The following ACP3 variants were observed in gnomAD, a reference collection of about 807,000 sequenced individuals.
ACP3 encodes the protein acid phosphatase 3, also known as prostatic acid phosphatase.
Under a neutral mutation model 45.6 loss-of-function variants are expected in ACP3, and 38 were observed. That is an observed-to-expected ratio of 0.83 (90% CI 0.64 to 1.09). ACP3 has a LOEUF of 1.09. Ranked by LOEUF, ACP3 falls within the 50% of genes least tolerant of loss-of-function variation. The pLI, the probability that ACP3 is intolerant of heterozygous loss-of-function variation, is 0.00. For missense variants in ACP3, 466 were observed against 463.2 expected, an observed-to-expected ratio of 1.01 and a Z score of -0.05; for synonymous variants, 162 against 164.7, an observed-to-expected ratio of 0.98 and a Z score of 0.13.
Position 132,322,134 on chromosome 3 carries a change from C to G in ACP3, c.120+4558C>G, listed in dbSNP as rs140522150. ...GACCTTGACAAAGCAGGAGTTTGAA[C>G]CCAGGTCTAACCAACTGAAAACCCA... On this transcript the variant is annotated intron_variant, in intron 1 of 9. Transcript: ENST00000336375. Among the ~76,000 whole-genome samples, 43 of 152,296 alleles carry G rather than the reference C, an allele frequency of 2.8e-4. No homozygotes were observed. In the East Asian group the frequency reaches 7.9e-3, roughly 28 times the overall value.
intron 1 of ACP3, among the ~76,000 whole-genome samples, chr3:132,317,814 T>G (rs1459111771): frequency 1.3e-5 from 2 of 152,382 alleles, no homozygotes; most frequent in Admixed American, 6.5e-5. Context: ...TTGCTTTTGC[T>G]GATGTTATTT....
At chr3:132,323,652 G>T (rs1166803303) in intron 1 of ACP3, among the ~76,000 whole-genome samples, 1 of 152,164 alleles carries the variant, frequency 6.6e-6, no homozygotes, top group African/African-American at 2.4e-5. Flanking sequence ...GACATCAAGA[G>T]CAAAGGCCCT....
At chr3:132,353,465 C>T (rs1472441387) in intron 9 of ACP3, among the ~76,000 whole-genome samples, 1 of 152,078 alleles carries the variant, frequency 6.6e-6, no homozygotes, top group Non-Finnish European at 1.5e-5. Flanking sequence ...AAGGTCATAC[C>T]AAAAATATTT....
At position 132,333,252 on chromosome 3, in the gene ACP3, G is replaced by T. The variant is rs114358769; in HGVS notation, c.456+908G>T. ...GAAACTCTCAAACGTGTTTACACAG[G>T]TTGGGACCGACCAAGCTTTCTTTAA... On this transcript the variant is annotated intron_variant, in intron 4 of 9. Coordinates refer to ENST00000336375, the MANE Select transcript of ACP3 (RefSeq NM_001099.5). Among the ~76,000 whole-genome samples, 1,447 of 152,308 alleles carry T rather than the reference G, an allele frequency of 9.5e-3. 31 individuals are homozygous for T. Among genetic ancestry groups the T allele is most frequent in the African/African-American group, 0.033 (1,364 of 41,570 alleles).
At chr3:132,365,612 A>G (rs1938119149) in intron 10 of ACP3, among the ~76,000 whole-genome samples, 1 of 152,208 alleles carries the variant, frequency 6.6e-6, no homozygotes, top group South Asian at 2.1e-4. Flanking sequence ...GATTGAGATG[A>G]GCATTCATTG....
At chr3:132,345,463 G>A (rs924991956) in intron 7 of ACP3, among the ~76,000 whole-genome samples, 1 of 152,154 alleles carries the variant, frequency 6.6e-6, no homozygotes, top group African/African-American at 2.4e-5. Flanking sequence ...GTGTCTTGTG[G>A]CCTATATGAT....
intron 1 of ACP3, among the ~76,000 whole-genome samples, chr3:132,319,282 G>A (rs1157943587): frequency 6.6e-6 from 1 of 152,128 alleles, no homozygotes; most frequent in Non-Finnish European, 1.5e-5. Context: ...TTATACAAAT[G>A]AGATAACTCT....
At chr3:132,317,657 T>C in intron 1 of ACP3, 81 bp downstream of exon 1, 1 of 1,458,672 alleles carries the variant, frequency 6.9e-7, no homozygotes, top group Non-Finnish European at 9.1e-7. Context: ...AGGTTTCATC[T>C]TATCCTTGGA....
At position 132,352,750 on chromosome 3, in the gene ACP3, G is replaced by A; in HGVS notation, c.895G>A (p.Ala299Thr). The change falls in exon 9 of 10, where the codon GCG (alanine) becomes ACG (threonine). Residue 299 changes from alanine (A) to threonine (T), a missense_variant. Coordinates refer to ENST00000336375, the MANE Select transcript of ACP3 (RefSeq NM_001099.5). The part of the protein sequence containing the change: ...HDTTVSGLQM[A>T]LDVYNGLLPP... ...CACTACTGTGAGTGGCCTACAGATG[G>A]CGCTAGATGTTTACAACGGACTCCT... 6.2e-7 allele frequency: 1 copy of A among 1,613,822 alleles called. No individual in the cohort carries two copies. The highest frequency in any genetic ancestry group is 2.2e-5 in the East Asian group (1 of 44,866).
chr3:132,338,240 TG>T (rs35838771), intron 5 of ACP3, among the ~76,000 whole-genome samples: 8,851 of 151,548 alleles, frequency 0.058, 818 homozygotes, highest in East Asian at 0.49. Flanking sequence ...TACACGAAAA[TG>T]GTATACTATT....
At chr3:132,362,973 G>A (rs1214609047), downstream of ACP3, among the ~76,000 whole-genome samples, 3 of 152,172 alleles carry the variant, frequency 2.0e-5, no homozygotes, top group East Asian at 1.9e-4. Context: ...TTACCTGTAC[G>A]AGATCTCTTT....
At chr3:132,331,405 T>A (rs551696489) in intron 2 of ACP3, among the ~76,000 whole-genome samples, 11 of 152,366 alleles carry the variant, frequency 7.2e-5, no homozygotes, top group African/African-American at 2.6e-4. Flanking sequence ...ACTTACTATG[T>A]GCAAGTCTCT....
chr3:132,353,250 T>C (rs766301895), intron 9 of ACP3, among the ~76,000 whole-genome samples: 1 of 152,188 alleles, frequency 6.6e-6, no homozygotes, highest in African/African-American at 2.4e-5. Context: ...TTCTAACTGG[T>C]GTCTACCTCT....
At chr3:132,355,979 T>C (rs1395656201) in intron 9 of ACP3, among the ~76,000 whole-genome samples, 1 of 152,204 alleles carries the variant, frequency 6.6e-6, no homozygotes, top group Non-Finnish European at 1.5e-5. Flanking sequence ...ACTCCTTGAT[T>C]AGCAAATGGC....
At position 132,342,662 on chromosome 3, in the gene ACP3, C is replaced by T; in HGVS notation, c.648+18C>T. ...ATTGTGAGGTAAAAGAAAAAAAAATCACAGGTTAACTTGCAATCTGATTTT... is the reference window on the plus strand; with the variant it reads ...ATTGTGAGGTAAAAGAAAAAAAAATTACAGGTTAACTTGCAATCTGATTTT... On this transcript the variant is annotated intron_variant, in intron 6 of 9. Transcript: ENST00000336375. 1 of 1,417,252 alleles carries T rather than the reference C, an allele frequency of 7.1e-7. No homozygotes were observed. Among genetic ancestry groups the T allele is most frequent in the South Asian group, 1.2e-5 (1 of 80,012 alleles). 87.8% of individuals were successfully genotyped at this position (1,417,252 alleles called of 1,614,324 possible). A position where few individuals can be genotyped will look rare whatever the true frequency, so the allele number is the denominator to read the frequency against.
At chr3:132,356,591 T>C (rs1238734168) in intron 9 of ACP3, 95 bp from the exon 10 acceptor site, 2 of 1,588,472 alleles carry the variant, frequency 1.3e-6, no homozygotes, top group East Asian at 4.5e-5. Context: ...CATTAGTCCC[T>C]CAACTGGCAT....
chr3:132,364,831 A>G (rs116553272), intron 10 of ACP3, among the ~76,000 whole-genome samples: 3 of 152,320 alleles, frequency 2.0e-5, no homozygotes, highest in Non-Finnish European at 4.4e-5. Context: ...GCCCATAAAA[A>G]TAACTGAAAA....
chr3:132,320,682 A>C (rs1412763347), intron 1 of ACP3, among the ~76,000 whole-genome samples: 2 of 143,148 alleles, frequency 1.4e-5, no homozygotes, highest in African/African-American at 5.2e-5. Context: ...ACAGAGTCTT[A>C]CTCTGTCGCC....
chr3:132,328,841 T>TGGTAATCA, intron 2 of ACP3, among the ~76,000 whole-genome samples: 1 of 152,160 alleles, frequency 6.6e-6, no homozygotes, highest in Non-Finnish European at 1.5e-5. Context: ...GAGAGCCAAG[T>TGGTAATCA]GGTAATCATA....
Sources: gnomAD v4.1 joint callset for allele counts (sites outside exome capture counted in the v4.1 genomes callset) on GRCh38, gnomAD v4.1.1 for gene constraint, MANE v1.5 for transcripts, NCBI Gene and HGNC (gene_info 2026-07-23, HGNC 2026-07-21) for gene names.